Variants in CTDSP2 observed in about 807,000 individuals in gnomAD.
The protein encoded by CTDSP2 is carboxy-terminal domain RNA polymerase II polypeptide A small phosphatase 2.
In CTDSP2, 9 loss-of-function variants were observed where a neutral mutation model predicts 31.6. The ratio of observed to expected loss-of-function variants is 0.28; its 90% confidence interval spans 0.17 to 0.50. The LOEUF is 0.50. Among genes scored for constraint, CTDSP2 ranks in the 20% least tolerant of loss-of-function variants. The pLI is 0.98. For missense variants in CTDSP2, 267 were observed against 348.5 expected (o/e 0.77, Z 1.86); for synonymous variants, 134 against 134.5 (o/e 1.00, Z 0.03).
chr12:57,824,699 G>A (rs565421590), intron 5 of CTDSP2: 1 of 537,048 alleles, frequency 1.9e-6, no homozygotes, highest in African/African-American at 1.9e-5. Flanking sequence ...AGCCTCTATG[G>A]GAGCTTTCTG....
At chr12:57,836,734 ATCT>A (rs1333625941) in intron 1 of CTDSP2, among the ~76,000 whole-genome samples, 5 of 152,144 alleles carry the variant, frequency 3.3e-5, no homozygotes, top group Admixed American at 2.0e-4. Context: ...ACTGTTTTTA[ATCT>A]TCTCCTGAAA....
intron 7 of CTDSP2, 59 bp downstream of exon 7, chr12:57,823,845 C>A (rs990644760): frequency 1.2e-6 from 2 of 1,608,246 alleles, no homozygotes; most frequent in African/African-American, 2.7e-5. Flanking sequence ...GTGGAGCCCA[C>A]AGTTCCAGTC....
At chr12:57,833,126 T>C (rs1956226918) in intron 1 of CTDSP2, among the ~76,000 whole-genome samples, 1 of 152,206 alleles carries the variant, frequency 6.6e-6, no homozygotes, top group African/African-American at 2.4e-5. Flanking sequence ...CCGTCAGGAA[T>C]GCACTCAGCA....
At chr12:57,839,200 C>A (rs962632013) in intron 1 of CTDSP2, among the ~76,000 whole-genome samples, 11 of 152,198 alleles carry the variant, frequency 7.2e-5, no homozygotes, top group Admixed American at 6.5e-5. Context: ...ACCAGCCAAG[C>A]CGTATAGGTG....
At chr12:57,830,528 C>T (rs565141617) in intron 1 of CTDSP2, among the ~76,000 whole-genome samples, 6 of 152,300 alleles carry the variant, frequency 3.9e-5, no homozygotes, top group Admixed American at 3.9e-4. Context: ...TTTTTGTTCA[C>T]AGCCTTGCCT....
intron 1 of CTDSP2, among the ~76,000 whole-genome samples, chr12:57,832,663 A>G (rs1956222907): frequency 6.6e-6 from 1 of 151,758 alleles, no homozygotes; most frequent in Admixed American, 6.6e-5. Flanking sequence ...GTAGTGGCAC[A>G]CACCTGTAGT....
intron 1 of CTDSP2, among the ~76,000 whole-genome samples, chr12:57,832,717 G>A (rs541806044): frequency 2.8e-5 from 4 of 145,156 alleles, no homozygotes; most frequent in African/African-American, 7.6e-5. Flanking sequence ...ACTTGAATCC[G>A]GGAGGCATAG....
intron 5 of CTDSP2, among the ~76,000 whole-genome samples, chr12:57,825,091 G>A (rs1956174866): frequency 2.0e-5 from 3 of 152,264 alleles, no homozygotes; most frequent in Middle Eastern, 6.8e-3. Flanking sequence ...GTGGGCTCAG[G>A]CATTCCTCCT....
chr12:57,824,037 C>T lies in CTDSP2; in HGVS notation c.557G>A (p.Arg186His). The change falls in exon 7 of 8, where the codon CGC becomes CAC. Residue 186 changes from arginine to histidine, a missense_variant. Around this residue, in one of 2 missense-constraint regions of CTDSP2, gnomAD observed 156 missense variants for 241.3 expected, o/e 0.65. Transcript: ENST00000398073. ...GAACACGCAAGACTCACGGAATAGGCGGGCCCGGAACACCCCACACCGGTC... is the reference window on the plus strand; with the variant it reads ...GAACACGCAAGACTCACGGAATAGGTGGGCCCGGAACACCCCACACCGGTC... ...LLDRCGVFRA[R>H]LFRESCVFHQ... 6.2e-7 allele frequency: 1 copy of T among 1,614,068 alleles called. No individual in the cohort carries two copies. The highest frequency in any genetic ancestry group is 8.5e-7 in the Non-Finnish European group (1 of 1,180,014).
chr12:57,825,961 G>A (rs1220298460), intron 5 of CTDSP2, among the ~76,000 whole-genome samples: 3 of 152,084 alleles, frequency 2.0e-5, no homozygotes, highest in African/African-American at 7.2e-5. Flanking sequence ...ACCTGGTTAA[G>A]GTATCTTAAC....
At chr12:57,834,437 C>T (rs760616134) in intron 1 of CTDSP2, among the ~76,000 whole-genome samples, 4 of 152,192 alleles carry the variant, frequency 2.6e-5, no homozygotes, top group Non-Finnish European at 5.9e-5. Flanking sequence ...TAAAACAGCA[C>T]AAGGCTCTGG....
rs1194597810 is a variant in CTDSP2 at position 57,819,976 on chromosome 12, T to TA, written c.*3625dup. 2 of 152,660 alleles carry TA rather than the reference T, an allele frequency of 1.3e-5. No individual in the cohort carries two copies. The highest frequency in any genetic ancestry group is 3.8e-4 in the East Asian group (2 of 5,202). The allele number at this position is 152,660 out of a possible 1,614,324, so 9.5% of individuals were successfully genotyped here. On this transcript the variant is annotated 3_prime_UTR_variant, in exon 8 of 8. Coordinates refer to ENST00000398073, the MANE Select transcript of CTDSP2 (RefSeq NM_005730.4). ...ACTTTTATTAATTAATTGTAAGTAA[T>TA]ACAAATATTCCAAAAATATAAACAG...
rs61390174 is a variant in CTDSP2, at chr12:57,832,790, TAAAAAA to T, written c.65-3200_65-3195del. On this transcript the variant is annotated intron_variant, in intron 1 of 7. Coordinates refer to ENST00000398073, the MANE Select transcript of CTDSP2 (RefSeq NM_005730.4). ...CTGGGCAACAGAGCGAGACTCTGGC[TAAAAAA>T]AAAAAAAAAAAAAAAAAAAAAAGGA... Among the ~76,000 whole-genome samples, 15 of 44,898 alleles carry T rather than the reference TAAAAAA, an allele frequency of 3.3e-4. No homozygotes were observed. In the East Asian group the frequency reaches 8.0e-3, roughly 24 times the overall value. The allele number at this position is 44,898 out of a possible 152,430, so 29.5% of individuals were successfully genotyped here.
Position 57,823,184 on chromosome 12 carries a change from A to C in CTDSP2, c.*418T>G. The C allele has an allele frequency of 4.9e-6, 1 of 203,668 alleles. No individual in the cohort carries two copies. The allele number at this position is 203,668 out of a possible 1,614,324, so 12.6% of individuals were successfully genotyped here. ...GCATAGGCCTTACAACACTGAGGAA[A>C]GGCCATGGTTTGGCAATGGAGTCTT... is the stretch of plus-strand genomic sequence containing the variant. On this transcript the variant is annotated 3_prime_UTR_variant, in exon 8 of 8. Coordinates refer to ENST00000398073, the MANE Select transcript of CTDSP2 (RefSeq NM_005730.4).
chr12:57,820,748 A>G lies in CTDSP2; in HGVS notation c.*2854T>C, dbSNP rs1258859658. On this transcript the variant is annotated 3_prime_UTR_variant, in exon 8 of 8. Coordinates refer to ENST00000398073, the MANE Select transcript of CTDSP2 (RefSeq NM_005730.4). The stretch of plus-strand genomic sequence containing the variant: ...GGGCCTACAGAGTGTTCCCTCTACA[A>G]TGTGCAGAGTGGAAACCCTTACCTG... The G allele has an allele frequency of 6.6e-6, 1 of 152,440 alleles. No homozygotes were observed. Among genetic ancestry groups the G allele is most frequent in the East Asian group, 1.9e-4 (1 of 5,202 alleles). The allele number at this position is 152,440 out of a possible 1,614,324, so 9.4% of individuals were successfully genotyped here. A position where few individuals can be genotyped will look rare whatever the true frequency, so the allele number is the denominator to read the frequency against.
intron 2 of CTDSP2, 84 bp downstream of exon 2, chr12:57,829,364 T>C: frequency 1.3e-6 from 2 of 1,511,520 alleles, no homozygotes. Flanking sequence ...AGGCAAAGCT[T>C]CCTTGTCCGG....
At chr12:57,841,193 A>G (rs1956280600) in intron 1 of CTDSP2, among the ~76,000 whole-genome samples, 2 of 152,216 alleles carry the variant, frequency 1.3e-5, no homozygotes, top group Non-Finnish European at 2.9e-5. Flanking sequence ...CAAGCGAGTT[A>G]ATTCCATGCT....
rs993666150 is a variant in CTDSP2 at position 57,826,977 on chromosome 12, G to C, written c.354+19C>G. ...AAGGCCCAAGATAAAGGTAGGAAGG[G>C]TTCCAGACATTGAGTTACCTTAAAG... On this transcript the variant is annotated intron_variant, in intron 4 of 7. Coordinates refer to ENST00000398073, the MANE Select transcript of CTDSP2 (RefSeq NM_005730.4). The C allele has an allele frequency of 3.8e-6, 6 of 1,571,286 alleles. No individual in the cohort carries two copies. The highest frequency in any genetic ancestry group is 4.4e-6 in the Non-Finnish European group (5 of 1,143,342).
chr12:57,832,424 T>C (rs187609779), intron 1 of CTDSP2, among the ~76,000 whole-genome samples: 277 of 152,176 alleles, frequency 1.8e-3, no homozygotes, highest in Non-Finnish European at 2.8e-3. Context: ...CGGTGGCTCA[T>C]ATAGGAGGAC....
Sources: gnomAD v4.1 joint callset for allele counts (sites outside exome capture counted in the v4.1 genomes callset) on GRCh38, gnomAD v4.1.1 for gene constraint, gnomAD v4.1.1 regional missense constraint, MANE v1.5 for transcripts, NCBI Gene and HGNC (gene_info 2026-07-23, HGNC 2026-07-21) for gene names.